The following CCSER1 variants were observed in gnomAD, a reference collection of about 807,000 sequenced individuals.
CCSER1 encodes the protein coiled-coil serine rich protein 1, also known as serine-rich coiled-coil domain-containing protein 1.
A neutral mutation model predicts 82.0 loss-of-function variants in CCSER1; 41 were observed. That is an observed-to-expected ratio of 0.50 (90% CI 0.39 to 0.65). The LOEUF (loss-of-function observed/expected upper bound fraction) is 0.65. Among genes scored for constraint, CCSER1 ranks in the 30% least tolerant of loss-of-function variants. CCSER1 has a pLI of 0.00. For missense variants in CCSER1, 1,119 were observed against 1,064.2 expected, an observed-to-expected ratio of 1.05 and a Z score of -0.72; for synonymous variants, 414 against 383.9, an observed-to-expected ratio of 1.08 and a Z score of -0.92.
At chr4:90,577,982 C>T (rs145226839) in intron 5 of CCSER1, among the ~76,000 whole-genome samples, 6 of 151,900 alleles carry the variant, frequency 3.9e-5, no homozygotes, top group South Asian at 4.2e-4. Context: ...ATATTTAATC[C>T]GATTGGGAAG....
chr4:90,297,064 A>T (rs980619919), intron 1 of CCSER1, among the ~76,000 whole-genome samples: 4 of 151,972 alleles, frequency 2.6e-5, no homozygotes, highest in Non-Finnish European at 5.9e-5. Context: ...ATGGCATTGG[A>T]TCTATAAATT....
intron 8 of CCSER1, among the ~76,000 whole-genome samples, chr4:90,902,856 G>C (rs1381558415): frequency 2.0e-5 from 3 of 152,044 alleles, no homozygotes; most frequent in Non-Finnish European, 4.4e-5. Context: ...GGCAGGCAGA[G>C]ATCCTGTTGG....
chr4:91,142,362 CT>C (rs1265194746), intron 10 of CCSER1, among the ~76,000 whole-genome samples: 1 of 152,186 alleles, frequency 6.6e-6, no homozygotes, highest in Non-Finnish European at 1.5e-5. Context: ...CATTAAACCT[CT>C]TTCCTTTATA....
At chr4:90,937,578 G>A (rs150256876) in intron 9 of CCSER1, among the ~76,000 whole-genome samples, 1 of 151,896 alleles carries the variant, frequency 6.6e-6, no homozygotes, top group East Asian at 1.9e-4. Flanking sequence ...ATCCATGGCT[G>A]CTAAAATTGT....
chr4:91,059,832 A>C (rs891964713), intron 9 of CCSER1, among the ~76,000 whole-genome samples: 4 of 152,038 alleles, frequency 2.6e-5, no homozygotes, highest in Non-Finnish European at 5.9e-5. Flanking sequence ...ACATGTTTGT[A>C]TGCTTTGGGG....
At chr4:91,327,514 C>T (rs1746655482) in intron 10 of CCSER1, among the ~76,000 whole-genome samples, 1 of 152,216 alleles carries the variant, frequency 6.6e-6, no homozygotes, top group Non-Finnish European at 1.5e-5. Flanking sequence ...GGCCTCCAGG[C>T]CTGTGATGGG....
chr4:91,538,698 C>CATATATTATGTGTATATATATATATAT lies in CCSER1; in HGVS notation c.2218-59868_2218-59867insTATGTGTATATATATATATATATATAT. On this transcript the variant is annotated intron_variant, in intron 10 of 10. Coordinates refer to ENST00000509176, the MANE Select transcript of CCSER1 (RefSeq NM_001145065.2). ...ATATATGATATATATTATATATACA[C>CATATATTATGTGTATATATATATATAT]ATATATATATATAATATCTCAGTGC... Among the ~76,000 whole-genome samples the CATATATTATGTGTATATATATATATAT allele has an allele frequency of 3.7e-4, 51 of 138,314 alleles. 1 individual carries two copies. The highest frequency in any genetic ancestry group is 4.6e-4 in the South Asian group (2 of 4,358). 90.7% of individuals were successfully genotyped at this position (138,314 alleles called of 152,430 possible).
intron 1 of CCSER1, among the ~76,000 whole-genome samples, chr4:90,150,231 A>G (rs983075201): frequency 6.6e-6 from 1 of 152,178 alleles, no homozygotes; most frequent in African/African-American, 2.4e-5. Context: ...TCCTGGAACC[A>G]AACCCTGTGG....
chr4:90,497,933 G>GA (rs1370785883), intron 5 of CCSER1, among the ~76,000 whole-genome samples: 3 of 151,826 alleles, frequency 2.0e-5, no homozygotes, highest in Non-Finnish European at 4.4e-5. Flanking sequence ...GGGTGAGATG[G>GA]AATCATGAAC....
chr4:90,390,754 G>T (rs1371650820), intron 3 of CCSER1, among the ~76,000 whole-genome samples: 1 of 152,040 alleles, frequency 6.6e-6, no homozygotes, highest in Non-Finnish European at 1.5e-5. Flanking sequence ...AGATACAAGT[G>T]TATATATCTT....
chr4:90,801,883 A>G (rs1243113568), intron 7 of CCSER1, among the ~76,000 whole-genome samples: 2 of 152,182 alleles, frequency 1.3e-5, no homozygotes, highest in Non-Finnish European at 2.9e-5. Flanking sequence ...TATACAATCT[A>G]TGCTATTGTT....
At chr4:91,411,526 A>ATACACACACATATATATATATATATAT (rs70965492) in intron 10 of CCSER1, among the ~76,000 whole-genome samples, 1 of 129,648 alleles carries the variant, frequency 7.7e-6, no homozygotes, top group African/African-American at 3.1e-5. Flanking sequence ...ATATATATAT[A>ATACACACACATATATATATATATATAT]AAATCTTGAC....
intron 8 of CCSER1, among the ~76,000 whole-genome samples, chr4:90,896,381 A>G (rs1410447580): frequency 6.6e-6 from 1 of 151,970 alleles, no homozygotes; most frequent in Non-Finnish European, 1.5e-5. Flanking sequence ...GTGATCTTTC[A>G]TAATTTTGGT....
At chr4:91,472,834 G>A (rs1407534876) in intron 10 of CCSER1, among the ~76,000 whole-genome samples, 1 of 152,130 alleles carries the variant, frequency 6.6e-6, no homozygotes, top group Non-Finnish European at 1.5e-5. Context: ...GGATACTTTA[G>A]CTGCAAATTA....
chr4:91,309,255 C>T (rs965149100), intron 10 of CCSER1, among the ~76,000 whole-genome samples: 1 of 152,002 alleles, frequency 6.6e-6, no homozygotes, highest in African/African-American at 2.4e-5. Flanking sequence ...TCTTTTCCTT[C>T]TAATGGCAAG....
chr4:90,749,395 A>G (rs2149476402), intron 7 of CCSER1, among the ~76,000 whole-genome samples: 1 of 151,622 alleles, frequency 6.6e-6, no homozygotes, highest in South Asian at 2.1e-4. Context: ...CCATTGATCT[A>G]TATCTCTGTT....
intron 10 of CCSER1, among the ~76,000 whole-genome samples, chr4:91,557,542 T>C (rs1762462223): frequency 6.6e-6 from 1 of 151,478 alleles, no homozygotes; most frequent in African/African-American, 2.4e-5. Flanking sequence ...AATACTATGA[T>C]AACAATTAGA....
At chr4:90,187,728 TG>T (rs1274290866) in intron 1 of CCSER1, among the ~76,000 whole-genome samples, 1 of 151,900 alleles carries the variant, frequency 6.6e-6, no homozygotes, top group African/African-American at 2.4e-5. Flanking sequence ...AGGGAGAGAA[TG>T]ATAAATATGA....
chr4:90,339,295 G>A (rs1391347165), intron 3 of CCSER1, among the ~76,000 whole-genome samples: 1 of 152,108 alleles, frequency 6.6e-6, no homozygotes, highest in Non-Finnish European at 1.5e-5. Flanking sequence ...ATATGTCGGG[G>A]TGGCCTCTCT....
Sources: gnomAD v4.1 joint callset for allele counts (sites outside exome capture counted in the v4.1 genomes callset) on GRCh38, gnomAD v4.1.1 for gene constraint, MANE v1.5 for transcripts, NCBI Gene and HGNC (gene_info 2026-07-23, HGNC 2026-07-21) for gene names.